Variants in STK33 observed in about 807,000 individuals in gnomAD.
STK33 encodes the protein serine/threonine kinase 33, also known as serine/threonine-protein kinase 33.
STK33 carries 52 observed loss-of-function variants against 58.0 expected under a neutral mutation model. That is an observed-to-expected ratio of 0.90 (90% CI 0.72 to 1.13). The LOEUF is 1.13. STK33 is among the 50% of genes most tolerant of loss of function. The probability of loss-of-function intolerance (pLI) is 0.00; values close to 1 mark genes in which losing one functional copy is unlikely to be tolerated. For synonymous variants in STK33, 215 were observed against 200.1 expected, an observed-to-expected ratio of 1.07 and a Z score of -0.63; for missense variants, 630 against 604.2, an observed-to-expected ratio of 1.04 and a Z score of -0.45.
chr11:8,382,279 C>T, the STK33 span, among the ~76,000 whole-genome samples: 2 of 152,346 alleles, frequency 1.3e-5, no homozygotes, highest in African/African-American at 2.4e-5. Context: ...GGGCAGCTGC[C>T]GCCACAGCCC....
At chr11:8,435,934 G>C (rs1944008124) in intron 13 of STK33, 93 bp downstream of exon 13, 1 of 615,714 alleles carries the variant, frequency 1.6e-6, no homozygotes, top group African/African-American at 1.9e-5. Context: ...TAAATTTAAT[G>C]ACTAAACAGA....
chr11:8,520,588 G>A (rs1046344896), intron 1 of STK33, among the ~76,000 whole-genome samples: 1 of 152,164 alleles, frequency 6.6e-6, no homozygotes, highest in Non-Finnish European at 1.5e-5. Flanking sequence ...TGTATATTTA[G>A]AAAACCCCAT....
At chr11:8,385,866 C>T in the STK33 span, among the ~76,000 whole-genome samples, 62 of 152,226 alleles carry the variant, frequency 4.1e-4, no homozygotes, top group Middle Eastern at 6.8e-3. Flanking sequence ...GCTCCGCCTC[C>T]CGGGTTCACG....
rs1163349899 is a variant in STK33, at chr11:8,392,686, G to A, written c.1369C>T (p.Pro457Ser). 6.2e-6 allele frequency: 10 copies of A among 1,614,026 alleles called. No homozygotes were observed. Among genetic ancestry groups the A allele is most frequent in the Non-Finnish European group, 5.9e-6 (7 of 1,180,020 alleles). The stretch of plus-strand genomic sequence containing the variant: ...TCAAAGTTGTCCTTACTGGTTGCAG[G>A]AAATTGCTTTTCATAAGCAGTAGAC... Reference protein sequence around the residue: ...KQSTAYEKQFPATSKDNFDMC... With the variant: ...KQSTAYEKQFSATSKDNFDMC... The change falls in exon 16 of 16, where the codon CCT (proline) becomes TCT (serine). Residue 457 changes from proline (P) to serine (S), a missense_variant. Coordinates refer to ENST00000687296, the MANE Select transcript of STK33 (RefSeq NM_001352389.2).
At chr11:8,421,890 G>A (rs919433347) in intron 14 of STK33, among the ~76,000 whole-genome samples, 1 of 152,020 alleles carries the variant, frequency 6.6e-6, no homozygotes, top group African/African-American at 2.4e-5. Context: ...ATGAGTAGAA[G>A]TGCAATTGAC....
intron 1 of STK33, among the ~76,000 whole-genome samples, chr11:8,553,233 T>TATATATATG (rs932826946): frequency 1.0e-5 from 1 of 98,476 alleles, no homozygotes; most frequent in Non-Finnish European, 2.0e-5. Flanking sequence ...ATGGTGTGTA[T>TATATATATG]ATATATATGA....
Position 8,474,701 on chromosome 11 carries a change from T to C in STK33, c.205A>G (p.Ile69Val). The change falls in exon 5 of 16, where the codon ATA becomes GTA. Residue 69 changes from isoleucine (I) to valine (V), a missense_variant. By Grantham distance (29) the Ile-to-Val change is conservative. Transcript: ENST00000687296. The part of the protein sequence containing the change: ...RKKEKNINRD[I>V]TSRKDLPSRT... ...TTTACCAAATCTTTCCTGGAGGTTA[T>C]ATCTCTGTTGATATTTTTTTCTTTT... 1.2e-6 allele frequency: 2 copies of C among 1,610,210 alleles called. No individual in the cohort carries two copies. Among genetic ancestry groups the C allele is most frequent in the Non-Finnish European group, 1.7e-6 (2 of 1,178,786 alleles).
the STK33 span, among the ~76,000 whole-genome samples, chr11:8,340,990 C>T: frequency 6.6e-6 from 1 of 152,216 alleles, no homozygotes; most frequent in Non-Finnish European, 1.5e-5. Context: ...TCCCCAATAG[C>T]TGGGACTACA....
chr11:8,384,458 G>T, the STK33 span, among the ~76,000 whole-genome samples: 2 of 152,168 alleles, frequency 1.3e-5, no homozygotes, highest in African/African-American at 4.8e-5. Flanking sequence ...GCGGGAGGTC[G>T]GACATTAGCC....
intron 1 of STK33, among the ~76,000 whole-genome samples, chr11:8,568,116 A>G (rs530452245): frequency 2.6e-5 from 4 of 152,320 alleles, no homozygotes; most frequent in Admixed American, 1.3e-4. Flanking sequence ...ATTGCCATCC[A>G]GAGAAAAATA....
At chr11:8,490,768 C>T (rs1338469280) in intron 1 of STK33, among the ~76,000 whole-genome samples, 1 of 152,206 alleles carries the variant, frequency 6.6e-6, no homozygotes, top group Non-Finnish European at 1.5e-5. Context: ...TGTTGTTCTG[C>T]AGCCTCTGCT....
chr11:8,462,882 A>G (rs909589182), intron 7 of STK33, among the ~76,000 whole-genome samples: 6 of 152,116 alleles, frequency 3.9e-5, no homozygotes, highest in Non-Finnish European at 8.8e-5. Flanking sequence ...GAGGATAAGC[A>G]TTGTCCTCAT....
At chr11:8,338,619 TATA>T in the STK33 span, among the ~76,000 whole-genome samples, 1 of 152,038 alleles carries the variant, frequency 6.6e-6, no homozygotes, top group Non-Finnish European at 1.5e-5. Context: ...AGGTGGTGGG[TATA>T]ATAATTATTG....
At chr11:8,406,916 T>A (rs541058845) in intron 15 of STK33, among the ~76,000 whole-genome samples, 1 of 152,156 alleles carries the variant, frequency 6.6e-6, no homozygotes, top group African/African-American at 2.4e-5. Context: ...GCCTTTCTCC[T>A]ATCTTTAGCA....
chr11:8,381,872 C>T, the STK33 span, among the ~76,000 whole-genome samples: 8 of 152,082 alleles, frequency 5.3e-5, no homozygotes, highest in African/African-American at 1.9e-4. Context: ...CCTACAGATC[C>T]CTTTAGTTTG....
intron 1 of STK33, among the ~76,000 whole-genome samples, chr11:8,587,658 G>T (rs1177920902): frequency 6.6e-6 from 1 of 151,848 alleles, no homozygotes; most frequent in East Asian, 1.9e-4. Context: ...TTTGTGGAAA[G>T]GTTCACATGG....
At chr11:8,368,079 T>C in the STK33 span, among the ~76,000 whole-genome samples, 1 of 152,108 alleles carries the variant, frequency 6.6e-6, no homozygotes, top group Non-Finnish European at 1.5e-5. Context: ...ATCCTACTCC[T>C]GCAGCCAAGC....
At chr11:8,489,744 A>G (rs182133857) in intron 1 of STK33, among the ~76,000 whole-genome samples, 141 of 152,298 alleles carry the variant, frequency 9.3e-4, no homozygotes, top group African/African-American at 3.3e-3. Flanking sequence ...ACACATTCAA[A>G]CCTTAGTGAT....
intron 1 of STK33, among the ~76,000 whole-genome samples, chr11:8,585,521 A>G (rs1323717425): frequency 6.6e-6 from 1 of 151,488 alleles, no homozygotes; most frequent in Non-Finnish European, 1.5e-5. Context: ...CACCGCGCCC[A>G]GCCAAAAATG....
Sources: gnomAD v4.1 joint callset for allele counts (sites outside exome capture counted in the v4.1 genomes callset) on GRCh38, gnomAD v4.1.1 for gene constraint, MANE v1.5 for transcripts, NCBI Gene and HGNC (gene_info 2026-07-23, HGNC 2026-07-21) for gene names.